Variants in CAMTA1 observed in about 807,000 individuals in gnomAD.
CAMTA1 encodes calmodulin-binding transcription activator 1.
Under a neutral mutation model 170.9 loss-of-function variants are expected in CAMTA1, and 27 were observed. The observed-to-expected ratio is 0.16, with a 90% CI of 0.12 to 0.22. The LOEUF is 0.22. Ranked by LOEUF, CAMTA1 falls within the 10% of genes least tolerant of loss-of-function variation. The pLI is 1.00. For missense variants in CAMTA1, 1,619 were observed against 2,217.2 expected, an observed-to-expected ratio of 0.73 and a Z score of 5.42; for synonymous variants, 833 against 891.5, an observed-to-expected ratio of 0.93 and a Z score of 1.17.
intron 1 of CAMTA1, among the ~76,000 whole-genome samples, chr1:6,788,848 CTG>C (rs1320632908): frequency 2.6e-5 from 4 of 152,154 alleles, no homozygotes; most frequent in Admixed American, 6.5e-5. Context: ...GGTTGTGTTT[CTG>C]TGTCACTGGT....
intron 5 of CAMTA1, among the ~76,000 whole-genome samples, chr1:7,449,950 G>T (rs574845767): frequency 6.6e-6 from 1 of 152,264 alleles, no homozygotes; most frequent in South Asian, 2.1e-4. Context: ...ACCACCAGGT[G>T]GCTTGGGGGT....
At chr1:7,638,604 T>G (rs912319174) in intron 6 of CAMTA1, among the ~76,000 whole-genome samples, 2 of 151,588 alleles carry the variant, frequency 1.3e-5, no homozygotes, top group Non-Finnish European at 2.9e-5. Flanking sequence ...ATTAGGCCAC[T>G]GCACTCCAGC....
intron 4 of CAMTA1, among the ~76,000 whole-genome samples, chr1:7,109,770 A>G (rs1643900899): frequency 6.6e-6 from 1 of 152,098 alleles, no homozygotes; most frequent in South Asian, 2.1e-4. Context: ...CTGACTCCTT[A>G]GTGTTTGAGG....
chr1:7,743,608 A>T (rs556810915), intron 16 of CAMTA1, among the ~76,000 whole-genome samples: 3 of 152,032 alleles, frequency 2.0e-5, no homozygotes, highest in African/African-American at 7.3e-5. Flanking sequence ...ACTTAGCAGG[A>T]TGTTGTTGAG....
intron 11 of CAMTA1, among the ~76,000 whole-genome samples, chr1:7,710,895 A>G (rs1558191285): frequency 6.6e-6 from 1 of 152,052 alleles, no homozygotes; most frequent in Non-Finnish European, 1.5e-5. Context: ...CTCATCTCTT[A>G]TTGGCCCATC....
chr1:6,889,757 T>C (rs1674113317), intron 3 of CAMTA1, among the ~76,000 whole-genome samples: 1 of 152,198 alleles, frequency 6.6e-6, no homozygotes, highest in Non-Finnish European at 1.5e-5. Flanking sequence ...GGGTTATCCA[T>C]ACGACAACCC....
intron 5 of CAMTA1, among the ~76,000 whole-genome samples, chr1:7,344,720 A>T (rs900855144): frequency 4.6e-4 from 69 of 149,708 alleles, no homozygotes; most frequent in African/African-American, 1.6e-3. Flanking sequence ...ATTATTGGCC[A>T]TGTGTTTCTC....
At chr1:7,222,063 G>C (rs1660896147) in intron 4 of CAMTA1, among the ~76,000 whole-genome samples, 2 of 152,144 alleles carry the variant, frequency 1.3e-5, no homozygotes, top group Admixed American at 6.5e-5. Context: ...CGAGGTGATG[G>C]GTTGCTGAAC....
intron 5 of CAMTA1, among the ~76,000 whole-genome samples, chr1:7,357,349 C>T (rs144376830): frequency 3.9e-5 from 6 of 152,354 alleles, no homozygotes; most frequent in Non-Finnish European, 5.9e-5. Flanking sequence ...CATCTGGGCT[C>T]CTGGTGAGGA....
chr1:7,601,144 G>A, intron 6 of CAMTA1, among the ~76,000 whole-genome samples: 1 of 147,720 alleles, frequency 6.8e-6, no homozygotes, highest in South Asian at 2.1e-4. Flanking sequence ...GGACGGGGCG[G>A]CTGGCCGGGC....
At chr1:7,425,446 G>A (rs957384619) in intron 5 of CAMTA1, among the ~76,000 whole-genome samples, 5 of 152,144 alleles carry the variant, frequency 3.3e-5, no homozygotes, top group Non-Finnish European at 5.9e-5. Context: ...ATGGCGATGG[G>A]GGCAGGAAGG....
intron 3 of CAMTA1, among the ~76,000 whole-genome samples, chr1:7,057,710 C>T (rs2101697758): frequency 6.6e-6 from 1 of 152,322 alleles, no homozygotes; most frequent in Non-Finnish European, 1.5e-5. Flanking sequence ...ACAGTTAGTC[C>T]TGACAACATC....
chr1:7,581,833 G>T (rs1024258060), intron 6 of CAMTA1, among the ~76,000 whole-genome samples: 2 of 152,208 alleles, frequency 1.3e-5, no homozygotes, highest in Non-Finnish European at 2.9e-5. Flanking sequence ...CTGTACTGAG[G>T]GGCTTTGAGC....
intron 5 of CAMTA1, among the ~76,000 whole-genome samples, chr1:7,412,220 C>T (rs576838630): frequency 3.3e-4 from 50 of 152,118 alleles, no homozygotes; most frequent in Middle Eastern, 3.4e-3. Context: ...AATAAACATA[C>T]GTGTGCGTGT....
At chr1:7,525,427 G>A (rs1256879832) in intron 6 of CAMTA1, among the ~76,000 whole-genome samples, 1 of 152,048 alleles carries the variant, frequency 6.6e-6, no homozygotes, top group Non-Finnish European at 1.5e-5. Context: ...AGGATGGTAC[G>A]CTATTGATGT....
chr1:6,905,982 C>T (rs1252353049), intron 3 of CAMTA1, among the ~76,000 whole-genome samples: 3 of 152,194 alleles, frequency 2.0e-5, no homozygotes, highest in East Asian at 1.9e-4. Flanking sequence ...AGATAGATGT[C>T]CTGAAGGGAT....
intron 6 of CAMTA1, among the ~76,000 whole-genome samples, chr1:7,484,322 C>T (rs538816439): frequency 1.1e-4 from 16 of 152,316 alleles, no homozygotes; most frequent in South Asian, 8.3e-4. Flanking sequence ...TGTCCTGATG[C>T]AGCCGCAAGG....
chr1:7,394,837 G>A (rs756748370), intron 5 of CAMTA1, among the ~76,000 whole-genome samples: 3,224 of 146,614 alleles, frequency 0.022, 95 homozygotes, highest in African/African-American at 0.063. Context: ...GTGTGTGTGT[G>A]TGTGTCTGTG....
At chr1:7,153,481 C>T (rs1483719486) in intron 4 of CAMTA1, among the ~76,000 whole-genome samples, 1 of 152,120 alleles carries the variant, frequency 6.6e-6, no homozygotes, top group Non-Finnish European at 1.5e-5. Context: ...GCTTGCTTCC[C>T]TGCCTCCCTG....
Sources: gnomAD v4.1 joint callset for allele counts (sites outside exome capture counted in the v4.1 genomes callset) on GRCh38, gnomAD v4.1.1 for gene constraint, MANE v1.5 for transcripts, NCBI Gene and HGNC (gene_info 2026-07-23, HGNC 2026-07-21) for gene names.